The following LIMD1 variants were observed in gnomAD, a reference collection of about 807,000 sequenced individuals.
LIMD1 encodes LIM domain-containing protein 1.
A neutral mutation model predicts 58.4 loss-of-function variants in LIMD1; 23 were observed. The ratio of observed to expected loss-of-function variants is 0.39; its 90% CI spans 0.28 to 0.56. LIMD1 has a LOEUF of 0.56. LIMD1 is among the 20% of genes least tolerant of loss of function. The probability of loss-of-function intolerance (pLI) is 0.57; values close to 1 mark genes in which losing one functional copy is unlikely to be tolerated. For missense variants in LIMD1, 838 were observed against 855.5 expected (o/e 0.98, Z 0.25); for synonymous variants, 334 against 345.5 (o/e 0.97, Z 0.37).
rs1407855482 is a variant in LIMD1 at position 45,686,302 on chromosome 3, T to C, written c.*9243T>C. 2.0e-5 allele frequency: 3 copies of C among 151,960 alleles called. No individual in the cohort carries two copies. Among genetic ancestry groups the C allele is most frequent in the East Asian group, 1.9e-4 (1 of 5,186 alleles). The allele number at this position is 151,960 out of a possible 1,614,324, so 9.4% of individuals were successfully genotyped here. ...GAAAATTTTGAGTGTTAGCCGTCTC[T>C]CGGTCGCTGGCTAATAAAGGACTCT... On this transcript the variant is annotated 3_prime_UTR_variant, in exon 8 of 8. Coordinates refer to ENST00000273317, the MANE Select transcript of LIMD1 (RefSeq NM_014240.3).
intron 1 of LIMD1, among the ~76,000 whole-genome samples, chr3:45,599,884 T>C (rs577650968): frequency 6.6e-6 from 1 of 152,312 alleles, no homozygotes; most frequent in Non-Finnish European, 1.5e-5. Flanking sequence ...AGAGCTTCCA[T>C]CTGCTCTTCT....
Position 45,654,549 on chromosome 3 carries a change from G to A in LIMD1, c.1511-11101G>A, listed in dbSNP as rs547427866. Among the ~76,000 whole-genome samples, 19 of 151,972 alleles carry A rather than the reference G, an allele frequency of 1.3e-4. No individual in the cohort carries two copies. In the South Asian group the frequency reaches 3.7e-3, roughly 30 times the overall value. On this transcript the variant is annotated intron_variant, in intron 2 of 7. Coordinates refer to ENST00000273317, the MANE Select transcript of LIMD1 (RefSeq NM_014240.3). ...AGGCAAATATAAAATACTCATTCAC[G>A]GCCTGCAGGTGGCTCACACCTGTAA...
intron 1 of LIMD1, among the ~76,000 whole-genome samples, chr3:45,625,669 G>A (rs933001461): frequency 2.0e-5 from 3 of 152,058 alleles, no homozygotes; most frequent in African/African-American, 7.2e-5. Context: ...ATTAATAATG[G>A]TATATCTGGA....
chr3:45,612,458 C>T (rs1701535250), intron 1 of LIMD1, among the ~76,000 whole-genome samples: 1 of 152,196 alleles, frequency 6.6e-6, no homozygotes, highest in Non-Finnish European at 1.5e-5. Flanking sequence ...TAGTGTCATT[C>T]TGCTGTGCTC....
chr3:45,650,639 C>T (rs1701958921), intron 2 of LIMD1, among the ~76,000 whole-genome samples: 1 of 151,984 alleles, frequency 6.6e-6, no homozygotes, highest in African/African-American at 2.4e-5. Flanking sequence ...TTTCCAGCTT[C>T]ATCCATGTCC....
Position 45,683,083 on chromosome 3 carries a change from C to G in LIMD1, c.*6024C>G, listed in dbSNP as rs1033530344. On this transcript the variant is annotated 3_prime_UTR_variant, in exon 8 of 8. Coordinates refer to ENST00000273317, the MANE Select transcript of LIMD1 (RefSeq NM_014240.3). Reference sequence around the variant, plus strand: ...TTCTATTGTCACACCTCCTCTCTGACCCTCCCTGCCTCCTTGTAAGGACAC... The same window carrying G: ...TTCTATTGTCACACCTCCTCTCTGAGCCTCCCTGCCTCCTTGTAAGGACAC... 1.3e-5 allele frequency: 2 copies of G among 152,236 alleles called. No homozygotes were observed. Among genetic ancestry groups the G allele is most frequent in the South Asian group, 4.1e-4 (2 of 4,830 alleles). 9.4% of individuals were successfully genotyped at this position (152,236 alleles called of 1,614,324 possible). A position where few individuals can be genotyped will look rare whatever the true frequency, so the allele number is the denominator to read the frequency against.
chr3:45,610,518 G>T (rs1478915055), intron 1 of LIMD1, among the ~76,000 whole-genome samples: 2 of 152,160 alleles, frequency 1.3e-5, no homozygotes, highest in African/African-American at 2.4e-5. Context: ...AAAGGCCTGC[G>T]CAGGTTTGGC....
chr3:45,638,865 T>A (rs1370408449), intron 2 of LIMD1, among the ~76,000 whole-genome samples: 1 of 152,220 alleles, frequency 6.6e-6, no homozygotes, highest in African/African-American at 2.4e-5. Flanking sequence ...ATTTCTTTGA[T>A]GATAATGATG....
rs201699482 is a variant in LIMD1, at chr3:45,640,416, T to TTTG, written c.1510+4180_1510+4182dup. ...GGTGCACTCTGCTTTCTTGTTGTTTTTTGTTGTTGTTGTTGTTTTGTTTTG... is the reference window on the plus strand; with the variant it reads ...GGTGCACTCTGCTTTCTTGTTGTTTTTTGTTGTTGTTGTTGTTGTTTTGTTTTG... On this transcript the variant is annotated intron_variant, in intron 2 of 7. Coordinates refer to ENST00000273317, the MANE Select transcript of LIMD1 (RefSeq NM_014240.3). 1.6e-3 allele frequency among the ~76,000 whole-genome samples: 249 copies of TTTG among 152,188 alleles called. 9 individuals are homozygous for TTTG. In the East Asian group the frequency reaches 0.034, roughly 21 times the overall value.
chr3:45,625,777 A>G (rs900782853), intron 1 of LIMD1, among the ~76,000 whole-genome samples: 2 of 152,226 alleles, frequency 1.3e-5, no homozygotes, highest in African/African-American at 4.8e-5. Context: ...CCCTTGGCAG[A>G]TACGGGCCCT....
rs1287356515 is a variant in LIMD1, at chr3:45,685,578, G to A, written c.*8519G>A. 1 of 152,182 alleles carries A rather than the reference G, an allele frequency of 6.6e-6. No individual in the cohort carries two copies. Among genetic ancestry groups the A allele is most frequent in the Non-Finnish European group, 1.5e-5 (1 of 68,056 alleles). 9.4% of individuals were successfully genotyped at this position (152,182 alleles called of 1,614,324 possible). On this transcript the variant is annotated 3_prime_UTR_variant, in exon 8 of 8. Transcript: ENST00000273317. The stretch of plus-strand genomic sequence containing the variant: ...GGTCTTCTTGTTGCTAATTAGTAGG[G>A]GTGAGGGGTAAGTGGCAGATGTGAC...
At chr3:45,653,494 C>T (rs1389612370) in intron 2 of LIMD1, among the ~76,000 whole-genome samples, 1 of 152,170 alleles carries the variant, frequency 6.6e-6, no homozygotes, top group Non-Finnish European at 1.5e-5. Flanking sequence ...TTCCACTTTG[C>T]CCCTTTCTGC....
chr3:45,685,990 A>G lies in LIMD1; in HGVS notation c.*8931A>G, dbSNP rs1248054397. Reference sequence around the variant, plus strand: ...CTTCCTCAAGGACTTAACTTGTGCAAGCTGACTCCCAGCACATCCAAGAAT... The same window carrying G: ...CTTCCTCAAGGACTTAACTTGTGCAGGCTGACTCCCAGCACATCCAAGAAT... On this transcript the variant is annotated 3_prime_UTR_variant, in exon 8 of 8. Coordinates refer to ENST00000273317, the MANE Select transcript of LIMD1 (RefSeq NM_014240.3). 6.6e-6 allele frequency: 1 copy of G among 152,150 alleles called. No homozygotes were observed. The highest frequency in any genetic ancestry group is 1.5e-5 in the Non-Finnish European group (1 of 68,020). 9.4% of individuals were successfully genotyped at this position (152,150 alleles called of 1,614,324 possible). A position where few individuals can be genotyped will look rare whatever the true frequency, so the allele number is the denominator to read the frequency against.
intron 5 of LIMD1, among the ~76,000 whole-genome samples, 175 bp downstream of exon 5, chr3:45,672,995 A>G (rs1036732289): frequency 6.6e-6 from 1 of 151,952 alleles, no homozygotes; most frequent in Admixed American, 6.6e-5. Flanking sequence ...GGTCGATGCC[A>G]GTGTTGACAG....
In LIMD1 at chr3:45,680,937, GA is replaced by G. The variant is rs1397969557; in HGVS notation, c.*3879del. The G allele has an allele frequency of 1.3e-5, 2 of 154,992 alleles. No homozygotes were observed. Among genetic ancestry groups the G allele is most frequent in the Non-Finnish European group, 2.8e-5 (2 of 70,520 alleles). The allele number at this position is 154,992 out of a possible 1,614,324, so 9.6% of individuals were successfully genotyped here. A position where few individuals can be genotyped will look rare whatever the true frequency, so the allele number is the denominator to read the frequency against. On this transcript the variant is annotated 3_prime_UTR_variant, in exon 8 of 8. Transcript: ENST00000273317. Reference sequence around the variant, plus strand: ...AGGCAGGAGAATCGCTTGAACCTGGGAGGCAGAGGTTGCAGTGAGCCGAGAT... The same window carrying G: ...AGGCAGGAGAATCGCTTGAACCTGGGGGCAGAGGTTGCAGTGAGCCGAGAT...
intron 1 of LIMD1, among the ~76,000 whole-genome samples, chr3:45,628,724 T>A (rs549628685): frequency 2.0e-5 from 3 of 152,350 alleles, no homozygotes; most frequent in African/African-American, 7.2e-5. Context: ...CTTGATGGCA[T>A]CTTTATTTGT....
chr3:45,646,606 A>C (rs1701910276), intron 2 of LIMD1, among the ~76,000 whole-genome samples: 1 of 152,124 alleles, frequency 6.6e-6, no homozygotes, highest in Non-Finnish European at 1.5e-5. Context: ...CATTTTAATT[A>C]ATTAAAGTTT....
intron 1 of LIMD1, among the ~76,000 whole-genome samples, chr3:45,603,387 T>G (rs1244439188): frequency 6.6e-6 from 1 of 151,972 alleles, no homozygotes; most frequent in Non-Finnish European, 1.5e-5. Flanking sequence ...AACCAACTGC[T>G]GAAGTGGAAG....
rs770874973 is a variant in LIMD1 at position 45,595,960 on chromosome 3, C to G, written c.1081C>G (p.Gln361Glu). 1.5e-5 allele frequency: 25 copies of G among 1,614,120 alleles called. No homozygotes were observed. Among genetic ancestry groups the G allele is most frequent in the African/African-American group, 2.7e-5 (2 of 74,938 alleles). The stretch of plus-strand genomic sequence containing the variant: ...CTCGCCAGCTGGTCTGGACGGTTCA[C>G]AGCAGGGTGCGGTCCCTGGGCTGGG... ...SSSPAGLDGSQQGAVPGLGPK... is the reference protein window; with the variant it reads ...SSSPAGLDGSEQGAVPGLGPK... Residue 361 changes from glutamine (Q) to glutamate (E), a missense_variant, in exon 1 of 8, where the codon CAG becomes GAG. Physicochemically the swap from Gln to Glu is conservative, Grantham distance 29. Around this residue, in one of 3 missense-constraint regions of LIMD1, gnomAD observed 659 missense variants for 639.8 expected, o/e 1.03. Transcript: ENST00000273317.
Sources: gnomAD v4.1 joint callset for allele counts (sites outside exome capture counted in the v4.1 genomes callset) on GRCh38, gnomAD v4.1.1 for gene constraint, gnomAD v4.1.1 regional missense constraint, MANE v1.5 for transcripts, NCBI Gene and HGNC (gene_info 2026-07-23, HGNC 2026-07-21) for gene names.